Variants in PRDM15 observed in about 807,000 individuals in gnomAD.
PRDM15 encodes the protein PR domain zinc finger protein 15.
PRDM15 carries 64 observed loss-of-function variants against 128.6 expected under a neutral mutation model. The observed-to-expected ratio is 0.50, with a 90% confidence interval of 0.41 to 0.61. The LOEUF (loss-of-function observed/expected upper bound fraction) is 0.61. Among genes scored for constraint, PRDM15 ranks in the 20% least tolerant of loss-of-function variants. The probability of loss-of-function intolerance (pLI) is 0.00; values close to 1 mark genes in which losing one functional copy is unlikely to be tolerated. For missense variants in PRDM15, 1,242 were observed against 1,569.1 expected (o/e 0.79, Z 3.52); for synonymous variants, 615 against 621.8 (o/e 0.99, Z 0.16).
chr21:41,862,078 G>A lies in PRDM15; in HGVS notation c.-9-1706C>T, dbSNP rs2063834199. On this transcript the variant is annotated intron_variant, in intron 1 of 23. Coordinates refer to ENST00000398548, the MANE Select transcript of PRDM15 (RefSeq NM_001040424.3). The surrounding 1 kb of genome is among the most constrained non-coding windows in gnomAD (Gnocchi z 4.1). ...GGGCTCAGCTGGGCAGTGAGCAGGA[G>A]ATGAACAGGACAAAGGGCAGAAGAA... 2 of 1,103,004 alleles carry A rather than the reference G, an allele frequency of 1.8e-6. No individual in the cohort carries two copies. Among genetic ancestry groups the A allele is most frequent in the Admixed American group, 3.9e-5 (2 of 51,932 alleles). The allele number at this position is 1,103,004 out of a possible 1,614,324, so 68.3% of individuals were successfully genotyped here.
At position 41,854,871 on chromosome 21, in the gene PRDM15, T is replaced by A; in HGVS notation, c.286-53A>T. The stretch of plus-strand genomic sequence containing the variant: ...CCGGGGAAATGGCTGATTACCCATC[T>A]GTGTATCAGCGTGTGGGGGGCAGGT... On this transcript the variant is annotated intron_variant, in intron 4 of 23. Transcript: ENST00000398548. The surrounding 1 kb of genome is among the most constrained non-coding windows in gnomAD (Gnocchi z 4.6). 2 of 1,556,418 alleles carry A rather than the reference T, an allele frequency of 1.3e-6. No homozygotes were observed. Among genetic ancestry groups the A allele is most frequent in the South Asian group, 1.2e-5 (1 of 82,630 alleles).
At position 41,820,012 on chromosome 21, in the gene PRDM15, A is replaced by G. The variant is rs373835782; in HGVS notation, c.2140+83T>C. ...GGCAAGGTGCGACGGCTCTGTGTGT[A>G]GAATACGCGGAGACCCCCAGCATCC... On this transcript the variant is annotated intron_variant, in intron 17 of 23. Transcript: ENST00000398548. 2.5e-5 allele frequency: 30 copies of G among 1,180,696 alleles called. No individual in the cohort carries two copies. The East Asian group carries it at 5.7e-4, about 22-fold the overall frequency. 73.1% of individuals were successfully genotyped at this position (1,180,696 alleles called of 1,614,324 possible). A position where few individuals can be genotyped will look rare whatever the true frequency, so the allele number is the denominator to read the frequency against.
chr21:41,873,781 A>T (rs1337955003), intron 1 of PRDM15, among the ~76,000 whole-genome samples: 1 of 152,204 alleles, frequency 6.6e-6, no homozygotes, highest in Non-Finnish European at 1.5e-5. Context: ...ACGGTGGCTT[A>T]TACCTGTCAT....
rs368814812 is a variant in PRDM15 at position 41,859,547 on chromosome 21, G to A, written c.131+45C>T. 1.3e-4 allele frequency: 195 copies of A among 1,505,878 alleles called. No homozygotes were observed. The highest frequency in any genetic ancestry group is 6.4e-4 in the African/African-American group (46 of 72,388). 93.3% of individuals were successfully genotyped at this position (1,505,878 alleles called of 1,614,324 possible). ...ACCCAAAGGCCACTAGGCTCCTGCC[G>A]CAGCTGGCATATGGAAGGCCCGGGA... is the stretch of plus-strand genomic sequence containing the variant. On this transcript the variant is annotated intron_variant, in intron 3 of 23. Coordinates refer to ENST00000398548, the MANE Select transcript of PRDM15 (RefSeq NM_001040424.3). This position sits in a 1 kb window ranked among gnomAD's most constrained non-coding sequence, Gnocchi z 5.3.
chr21:41,798,648 G>A lies in PRDM15; in HGVS notation c.*2592C>T, dbSNP rs933073546. 6.6e-6 allele frequency: 1 copy of A among 152,204 alleles called. No homozygotes were observed. Among genetic ancestry groups the A allele is most frequent in the African/African-American group, 2.4e-5 (1 of 41,436 alleles). The allele number at this position is 152,204 out of a possible 1,614,324, so 9.4% of individuals were successfully genotyped here. On this transcript the variant is annotated 3_prime_UTR_variant, in exon 24 of 24. Coordinates refer to ENST00000398548, the MANE Select transcript of PRDM15 (RefSeq NM_001040424.3). ...CGAGTCCACAGCTGCACGGAGCCAC[G>A]GGTCCAAAACGAATTCTCCACTGAG...
intron 9 of PRDM15, 25 bp downstream of exon 9, chr21:41,836,443 C>T (rs1384931752): frequency 1.2e-5 from 19 of 1,596,144 alleles, no homozygotes; most frequent in Middle Eastern, 2.3e-4. Context: ...TGGCCCCGGG[C>T]GCCAGCCGGG....
At position 41,854,951 on chromosome 21, in the gene PRDM15, G is replaced by C; in HGVS notation, c.286-133C>G. Reference sequence around the variant, plus strand: ...TCAGAGGCCATAAGGGCTCCTGTACGGGATGTTGAGGTGTTTACAATAGTG... The same window carrying C: ...TCAGAGGCCATAAGGGCTCCTGTACCGGATGTTGAGGTGTTTACAATAGTG... On this transcript the variant is annotated intron_variant, in intron 4 of 23. Coordinates refer to ENST00000398548, the MANE Select transcript of PRDM15 (RefSeq NM_001040424.3). This position sits in a 1 kb window ranked among gnomAD's most constrained non-coding sequence, Gnocchi z 4.6. 9.2e-6 allele frequency: 9 copies of C among 981,852 alleles called. No individual in the cohort carries two copies. Among genetic ancestry groups the C allele is most frequent in the Non-Finnish European group, 1.2e-5 (8 of 681,674 alleles). The allele number at this position is 981,852 out of a possible 1,614,324, so 60.8% of individuals were successfully genotyped here.
Position 41,860,789 on chromosome 21 carries a change from G to T in PRDM15, c.-9-417C>A, listed in dbSNP as rs139467486. Among the ~76,000 whole-genome samples the T allele has an allele frequency of 5.3e-5, 8 of 152,282 alleles. No individual in the cohort carries two copies. In the East Asian group the frequency reaches 1.4e-3, roughly 26 times the overall value. The stretch of plus-strand genomic sequence containing the variant: ...CCTCCAGCCAGTACAGGAACATTAC[G>T]TGGTGTTCTAAAGAGAGCACACAGT... On this transcript the variant is annotated intron_variant, in intron 1 of 23. Transcript: ENST00000398548.
At chr21:41,808,353 G>C (rs887839977) in intron 21 of PRDM15, among the ~76,000 whole-genome samples, 10 of 152,244 alleles carry the variant, frequency 6.6e-5, no homozygotes, top group African/African-American at 2.4e-4. Context: ...GTGGGGCACA[G>C]GGCAGAGTAT....
intron 5 of PRDM15, among the ~76,000 whole-genome samples, chr21:41,851,364 G>A (rs775249050): frequency 3.9e-5 from 6 of 152,254 alleles, no homozygotes; most frequent in African/African-American, 7.2e-5. Flanking sequence ...CGCAGGCAGC[G>A]TTGGGCTCCA....
rs990308086 is a variant in PRDM15 at position 41,827,561 on chromosome 21, C to T, written c.1534+605G>A. ...CTCGCTATGTTGCCTGGGCTGGTCC[C>T]GAACTGCTGGCCTCAAGCGATCCTC... On this transcript the variant is annotated intron_variant, in intron 12 of 23. Transcript: ENST00000398548. Among the ~76,000 whole-genome samples the T allele has an allele frequency of 5.9e-5, 9 of 152,124 alleles. No individual in the cohort carries two copies. In the East Asian group the frequency reaches 1.5e-3, roughly 26 times the overall value.
At chr21:41,842,788 C>CT (rs752234481) in intron 6 of PRDM15, among the ~76,000 whole-genome samples, 28,803 of 125,430 alleles carry the variant, frequency 0.23, 3,517 homozygotes, top group African/African-American at 0.26. Context: ...TACGCCTGGC[C>CT]TTTTTTTTTT....
chr21:41,831,895 C>T (rs139808742), intron 11 of PRDM15, among the ~76,000 whole-genome samples: 2 of 152,354 alleles, frequency 1.3e-5, no homozygotes, highest in Non-Finnish European at 2.9e-5. Flanking sequence ...ATAAGAGGAG[C>T]ACCGTGACAG....
chr21:41,879,190 T>A lies in PRDM15; in HGVS notation c.-10+80A>T. The stretch of plus-strand genomic sequence containing the variant: ...CAGCGGGCCCAGGGCGCGCCGGGGC[T>A]CGCGGGGGCAGCGGGTGCGGCCCGG... On this transcript the variant is annotated intron_variant, in intron 1 of 23. Coordinates refer to ENST00000398548, the MANE Select transcript of PRDM15 (RefSeq NM_001040424.3). The surrounding 1 kb of genome is among the most constrained non-coding windows in gnomAD (Gnocchi z 5.1). The A allele has an allele frequency of 1.5e-6, 1 of 650,720 alleles. No homozygotes were observed. The highest frequency in any genetic ancestry group is 1.8e-6 in the Non-Finnish European group (1 of 542,664). 40.3% of individuals were successfully genotyped at this position (650,720 alleles called of 1,614,324 possible).
At chr21:41,806,436 CCACCAT>C (rs2061639530) in intron 21 of PRDM15, among the ~76,000 whole-genome samples, 1 of 33,058 alleles carries the variant, frequency 3.0e-5, no homozygotes, top group African/African-American at 1.1e-4. Flanking sequence ...ATCACCACCA[CCACCAT>C]CACCACCACC....
chr21:41,839,015 G>C (rs1239392596), intron 7 of PRDM15, among the ~76,000 whole-genome samples: 2 of 152,226 alleles, frequency 1.3e-5, no homozygotes, highest in Non-Finnish European at 2.9e-5. Context: ...GCTTGGATGG[G>C]GGCTGTGTGA....
In PRDM15 at chr21:41,836,458, G is replaced by A. The variant is rs374551645; in HGVS notation, c.1183+10C>T. 7.9e-5 allele frequency: 127 copies of A among 1,603,140 alleles called. No individual in the cohort carries two copies. Among genetic ancestry groups the A allele is most frequent in the African/African-American group, 2.3e-4 (17 of 74,750 alleles). Reference sequence around the variant, plus strand: ...TGGCCCCGGGCGCCAGCCGGGCCTCGCGGACTCACCATGCGAGCGCACGTG... The same window carrying A: ...TGGCCCCGGGCGCCAGCCGGGCCTCACGGACTCACCATGCGAGCGCACGTG... On this transcript the variant is annotated intron_variant, in intron 9 of 23. Transcript: ENST00000398548.
Position 41,810,670 on chromosome 21 carries a change from C to T in PRDM15, c.2476+83G>A, listed in dbSNP as rs2061835999. Reference sequence around the variant, plus strand: ...GGAACCGTCTAGATAATAGAATAGTCGTTTCCACCCCAGCAGGCACTCAGA... The same window carrying T: ...GGAACCGTCTAGATAATAGAATAGTTGTTTCCACCCCAGCAGGCACTCAGA... On this transcript the variant is annotated intron_variant, in intron 20 of 23. Transcript: ENST00000398548. This position sits in a 1 kb window ranked among gnomAD's most constrained non-coding sequence, Gnocchi z 6.4. The T allele has an allele frequency of 5.6e-6, 6 of 1,076,456 alleles. No homozygotes were observed. Among genetic ancestry groups the T allele is most frequent in the African/African-American group, 1.5e-5 (1 of 64,630 alleles). 66.7% of individuals were successfully genotyped at this position (1,076,456 alleles called of 1,614,324 possible). A position where few individuals can be genotyped will look rare whatever the true frequency, so the allele number is the denominator to read the frequency against.
chr21:41,871,716 C>T, intron 1 of PRDM15: 1 of 1,367,158 alleles, frequency 7.3e-7, no homozygotes. Context: ...CAGTGGTCCT[C>T]TGTTGTTACC....
Sources: allele counts gnomAD v4.1 joint callset (sites outside exome capture counted in the v4.1 genomes callset), GRCh38; gene constraint gnomAD v4.1.1; non-coding constraint Gnocchi (gnomAD v3.1); transcripts MANE v1.5; gene names NCBI Gene and HGNC (gene_info 2026-07-23, HGNC 2026-07-21).